The following NPAS2 variants were observed in gnomAD, a reference collection of about 807,000 sequenced individuals.
NPAS2 encodes neuronal PAS domain protein 2.
NPAS2 carries 23 observed loss-of-function variants against 107.5 expected under a neutral mutation model. That is an observed-to-expected ratio of 0.21 (90% CI 0.15 to 0.30). The LOEUF is 0.30. Ranked by LOEUF, NPAS2 falls within the 10% of genes least tolerant of loss-of-function variation. The probability of loss-of-function intolerance (pLI) is 1.00; values close to 1 mark genes in which losing one functional copy is unlikely to be tolerated. For missense variants in NPAS2, 756 were observed against 1,043.3 expected, an observed-to-expected ratio of 0.72 and a Z score of 3.79; for synonymous variants, 403 against 417.5, an observed-to-expected ratio of 0.97 and a Z score of 0.42.
chr2:100,936,215 C>T (rs757462275), intron 4 of NPAS2, among the ~76,000 whole-genome samples: 6 of 152,210 alleles, frequency 3.9e-5, no homozygotes, highest in Non-Finnish European at 7.3e-5. Context: ...GCCCTTCATG[C>T]ACTGCTCGTG....
chr2:100,875,776 AG>A (rs1270393833), intron 1 of NPAS2, among the ~76,000 whole-genome samples: 1 of 152,258 alleles, frequency 6.6e-6, no homozygotes, highest in African/African-American at 2.4e-5. Flanking sequence ...CCTTAAACGC[AG>A]AACAATGGCA....
At chr2:100,922,084 A>G (rs1444351063) in intron 2 of NPAS2, among the ~76,000 whole-genome samples, 1 of 152,202 alleles carries the variant, frequency 6.6e-6, no homozygotes. Context: ...AGACCAGGTG[A>G]AACTACACTA....
intron 3 of NPAS2, 72 bp downstream of exon 3, chr2:100,925,366 G>A: frequency 6.5e-7 from 1 of 1,540,102 alleles, no homozygotes; most frequent in East Asian, 2.3e-5. Context: ...CACCAATCTG[G>A]GCTGCCTGGT....
In NPAS2 at chr2:100,864,403, G is replaced by T. The variant is rs1256753589; in HGVS notation, c.-22-40330G>T. Among the ~76,000 whole-genome samples, 3 of 152,102 alleles carry T rather than the reference G, an allele frequency of 2.0e-5. No individual in the cohort carries two copies. In the East Asian group the frequency reaches 5.8e-4, roughly 29 times the overall value. ...AAACTGTGTGATATAATAATATTCG[G>T]ATATAAATAAAGCCTCTCCCGCATT... On this transcript the variant is annotated intron_variant, in intron 1 of 20. Transcript: ENST00000335681.
chr2:100,873,301 TATATATACACACACAC>T (rs1396476510), intron 1 of NPAS2, among the ~76,000 whole-genome samples: 280 of 64,758 alleles, frequency 4.3e-3, no homozygotes, highest in African/African-American at 0.018. Context: ...TATATATATA[TATATATACACACACAC>T]ACACACACAC....
chr2:100,921,343 T>A (rs900509409), intron 2 of NPAS2, among the ~76,000 whole-genome samples: 2 of 152,232 alleles, frequency 1.3e-5, no homozygotes, highest in African/African-American at 4.8e-5. Context: ...TGTAAAGCTC[T>A]TAACATGGTG....
Position 100,970,950 on chromosome 2 carries a change from A to G in NPAS2, c.1056-40A>G, listed in dbSNP as rs367546160. 132 of 1,578,292 alleles carry G rather than the reference A, an allele frequency of 8.4e-5. 1 individual carries two copies. The highest frequency in any genetic ancestry group is 5.0e-4 in the Middle Eastern group (3 of 6,032). ...TCAGGTGGTGTCATCCCTTCCTGGAATGCCCCATCTCCACTGTGGTCTCTT... is the reference window on the plus strand; with the variant it reads ...TCAGGTGGTGTCATCCCTTCCTGGAGTGCCCCATCTCCACTGTGGTCTCTT... On this transcript the variant is annotated intron_variant, in intron 11 of 20. Transcript: ENST00000335681.
At chr2:100,836,697 A>G (rs1482107110) in intron 1 of NPAS2, among the ~76,000 whole-genome samples, 3 of 152,078 alleles carry the variant, frequency 2.0e-5, no homozygotes, top group African/African-American at 7.2e-5. Flanking sequence ...ACTGTTTTGC[A>G]TCTTGGTTCC....
In NPAS2 at chr2:100,990,821, C is replaced by T; in HGVS notation, c.2060C>T (p.Ser687Phe). The T allele has an allele frequency of 6.2e-7, 1 of 1,614,214 alleles. No homozygotes were observed. Among genetic ancestry groups the T allele is most frequent in the Non-Finnish European group, 8.5e-7 (1 of 1,180,038 alleles). The change falls in exon 19 of 21, where the codon TCC (serine) becomes TTC (phenylalanine). Residue 687 changes from serine to phenylalanine, a missense_variant. Physicochemically the swap from Ser to Phe is radical, Grantham distance 155. Around this residue, in one of 4 missense-constraint regions of NPAS2, gnomAD observed 496 missense variants for 594.4 expected, o/e 0.83. Coordinates refer to ENST00000335681, the MANE Select transcript of NPAS2 (RefSeq NM_002518.4). ...SQPIQPMMPG[S>F]CDARQPSEVS... ...CCCATCCAGCCCATGATGCCCGGGT[C>T]CTGTGACGCAAGGCAGCCCTCGGAA...
chr2:100,990,918 G>A, intron 19 of NPAS2, 46 bp downstream of exon 19: 1 of 1,549,624 alleles, frequency 6.5e-7, no homozygotes, highest in East Asian at 2.3e-5. Flanking sequence ...CTGGTGGAAT[G>A]GTTCCAGGCT....
chr2:100,966,739 G>A (rs565933538), intron 10 of NPAS2, among the ~76,000 whole-genome samples: 6 of 152,042 alleles, frequency 3.9e-5, no homozygotes, highest in African/African-American at 1.2e-4. Context: ...GATTACAGGC[G>A]TGTGTGCCAC....
intron 2 of NPAS2, among the ~76,000 whole-genome samples, chr2:100,913,400 C>T (rs1682673728): frequency 6.6e-6 from 1 of 152,198 alleles, no homozygotes; most frequent in Non-Finnish European, 1.5e-5. Context: ...ATTCCCCCAT[C>T]AGGATGCCCT....
chr2:100,963,620 T>C (rs1558916618), intron 7 of NPAS2, among the ~76,000 whole-genome samples: 2 of 152,152 alleles, frequency 1.3e-5, no homozygotes, highest in Admixed American at 1.3e-4. Flanking sequence ...TTCACAGTGT[T>C]GGCCATGGTG....
chr2:100,859,296 C>T (rs967084245), intron 1 of NPAS2, among the ~76,000 whole-genome samples: 3 of 152,064 alleles, frequency 2.0e-5, no homozygotes, highest in African/African-American at 7.2e-5. Flanking sequence ...ATGGAAAGAC[C>T]ACTGCCTCCA....
At position 100,977,637 on chromosome 2, in the gene NPAS2, G is replaced by A. The variant is rs142667591; in HGVS notation, c.1393-73G>A. 559 of 1,344,364 alleles carry A rather than the reference G, an allele frequency of 4.2e-4. 1 individual carries two copies. Among genetic ancestry groups the A allele is most frequent in the Non-Finnish European group, 5.4e-4 (506 of 934,066 alleles). The allele number at this position is 1,344,364 out of a possible 1,614,324, so 83.3% of individuals were successfully genotyped here. On this transcript the variant is annotated intron_variant, in intron 14 of 20. Coordinates refer to ENST00000335681, the MANE Select transcript of NPAS2 (RefSeq NM_002518.4). ...CAGTGCGGAACGCAGAGAACCCACC[G>A]GACCAAGAGACCACATCCCTGTCCC... is the stretch of plus-strand genomic sequence containing the variant.
At chr2:100,821,767 C>T (rs1365159487) in intron 1 of NPAS2, among the ~76,000 whole-genome samples, 2 of 152,150 alleles carry the variant, frequency 1.3e-5, no homozygotes, top group Non-Finnish European at 2.9e-5. Context: ...CATCTTCCTG[C>T]CACTAAGATG....
chr2:100,954,549 C>T (rs551268751), intron 7 of NPAS2, among the ~76,000 whole-genome samples: 1 of 151,856 alleles, frequency 6.6e-6, no homozygotes, highest in African/African-American at 2.4e-5. Context: ...CCTGTAATCC[C>T]AGCTACTTGG....
At chr2:100,963,381 C>CT (rs1231369849) in intron 7 of NPAS2, among the ~76,000 whole-genome samples, 4 of 148,482 alleles carry the variant, frequency 2.7e-5, no homozygotes, top group East Asian at 2.0e-4. Context: ...GCTGTCTTCT[C>CT]TTTTTTTTGT....
chr2:100,910,764 GTGATCCACC>G (rs1682493485), intron 2 of NPAS2, among the ~76,000 whole-genome samples: 1 of 152,120 alleles, frequency 6.6e-6, no homozygotes, highest in African/African-American at 2.4e-5. Context: ...CTGACCTCAA[GTGATCCACC>G]TGTCTCAGCC....
Sources: allele counts gnomAD v4.1 joint callset (sites outside exome capture counted in the v4.1 genomes callset), GRCh38; gene constraint gnomAD v4.1.1; regional missense constraint gnomAD v4.1.1; transcripts MANE v1.5; gene names NCBI Gene and HGNC (gene_info 2026-07-23, HGNC 2026-07-21).